The following LUC7L variants were observed in gnomAD, a reference collection of about 807,000 sequenced individuals.
LUC7L encodes putative RNA-binding protein Luc7-like 1.
Under a neutral mutation model 51.1 loss-of-function variants are expected in LUC7L, and 29 were observed. That is an observed-to-expected ratio of 0.57 (90% confidence interval 0.42 to 0.77). The LOEUF (loss-of-function observed/expected upper bound fraction) is 0.77. Ranked by LOEUF, LUC7L falls within the 30% of genes least tolerant of loss-of-function variation. The pLI is 0.00. For missense variants in LUC7L, 403 were observed against 511.9 expected (o/e 0.79, Z 2.05); for synonymous variants, 181 against 180.7 (o/e 1.00, Z -0.01).
chr16:213,140 T>A (rs2049692777), intron 3 of LUC7L, among the ~76,000 whole-genome samples: 1 of 152,204 alleles, frequency 6.6e-6, no homozygotes, highest in African/African-American at 2.4e-5. Context: ...CTTAGTTTAT[T>A]TATAGACTGC....
chr16:202,371 T>G (rs2049358917), intron 5 of LUC7L, among the ~76,000 whole-genome samples: 1 of 152,084 alleles, frequency 6.6e-6, no homozygotes, highest in South Asian at 2.1e-4. Flanking sequence ...CACCTCCCAC[T>G]AGACCCCACC....
At chr16:192,600 C>T (rs1315108920) in intron 7 of LUC7L, among the ~76,000 whole-genome samples, 1 of 149,660 alleles carries the variant, frequency 6.7e-6, no homozygotes, top group Non-Finnish European at 1.5e-5. Context: ...GCCTCCCGGG[C>T]TCAAGTGATT....
intron 5 of LUC7L, among the ~76,000 whole-genome samples, chr16:204,853 A>G (rs775699129): frequency 2.0e-5 from 3 of 152,204 alleles, no homozygotes; most frequent in African/African-American, 7.2e-5. Context: ...ATCCTATGGC[A>G]TTACTCAAAG....
chr16:205,274 C>G (rs146788825), intron 5 of LUC7L, among the ~76,000 whole-genome samples: 2 of 152,212 alleles, frequency 1.3e-5, no homozygotes, highest in East Asian at 3.9e-4. Flanking sequence ...CTCAGCCTCC[C>G]GAACAGCTGA....
At chr16:215,321 T>C (rs1447126483) in intron 3 of LUC7L, among the ~76,000 whole-genome samples, 1 of 151,586 alleles carries the variant, frequency 6.6e-6, no homozygotes, top group Non-Finnish European at 1.5e-5. Flanking sequence ...CCCTGCCTAC[T>C]GAAAATACAA....
chr16:227,272 G>A lies in LUC7L; in HGVS notation c.126C>T (p.Asp42=). 1 of 1,613,150 alleles carries A rather than the reference G, an allele frequency of 6.2e-7. No homozygotes were observed. Among genetic ancestry groups the A allele is most frequent in the East Asian group, 2.2e-5 (1 of 44,892 alleles). ...CAGCCAGGATGTCATGGGGGCAGCAGTCCAGAAGGTGACTCTTGCAGACAC... is the reference window on the plus strand; with the variant it reads ...CAGCCAGGATGTCATGGGGGCAGCAATCCAGAAGGTGACTCTTGCAGACAC... ...DDRVCKSHLL[D]CCPHDILAGT... The change falls in exon 2 of 10, where the codon GAC becomes GAT. Residue 42 remains aspartate (D), a synonymous_variant. Coordinates refer to ENST00000293872, the MANE Select transcript of LUC7L (RefSeq NM_201412.3).
chr16:205,171 G>A (rs1041039705), intron 5 of LUC7L, among the ~76,000 whole-genome samples: 1 of 152,160 alleles, frequency 6.6e-6, no homozygotes, highest in Non-Finnish European at 1.5e-5. Flanking sequence ...GTCTGTAAGC[G>A]TTTGCATGTA....
chr16:208,159 A>T lies in LUC7L; in HGVS notation c.285T>A (p.Ala95=). ...CGAGCTCAGTTCTCCGATCACATTC[A>T]GCAATAAAGGACTCCAAGTGATCCA... ...DAMDHLESFI[A]ECDRRTELAK... The change falls in exon 4 of 10, where the codon GCT becomes GCA. Residue 95 remains alanine (A), a synonymous_variant. Coordinates refer to ENST00000293872, the MANE Select transcript of LUC7L (RefSeq NM_201412.3). The T allele has an allele frequency of 6.2e-7, 1 of 1,613,660 alleles. No homozygotes were observed. Among genetic ancestry groups the T allele is most frequent in the Non-Finnish European group, 8.5e-7 (1 of 1,179,826 alleles).
chr16:192,413 G>A (rs1296716407), intron 7 of LUC7L, among the ~76,000 whole-genome samples: 1 of 151,900 alleles, frequency 6.6e-6, no homozygotes, highest in Non-Finnish European at 1.5e-5. Flanking sequence ...GCCTCCAACA[G>A]CTTGGATCCC....
intron 8 of LUC7L, 82 bp from the exon 9 acceptor site, chr16:190,217 G>T: frequency 8.1e-7 from 1 of 1,229,378 alleles, no homozygotes; most frequent in African/African-American, 1.5e-5. Context: ...GATTCTGCTT[G>T]CTGCTTTACT....
At chr16:204,061 C>A (rs928468239) in intron 5 of LUC7L, among the ~76,000 whole-genome samples, 1 of 151,994 alleles carries the variant, frequency 6.6e-6, no homozygotes, top group Non-Finnish European at 1.5e-5. Context: ...ACCAATTACA[C>A]CAGCACCCGC....
At chr16:229,198 CGCGGCCCCCGCCTCAGGCCGCCCG>C (rs765976342) in intron 1 of LUC7L, 57 bp downstream of exon 1, 3 of 1,500,222 alleles carry the variant, frequency 2.0e-6, no homozygotes, top group Admixed American at 2.2e-5. Flanking sequence ...CGCAGACGAT[CGCGGCCCCCGCCTCAGGCCGCCCG>C]GCGGCCTCGC....
intron 7 of LUC7L, chr16:190,861 C>G (rs975976234): frequency 5.9e-6 from 2 of 340,114 alleles, no homozygotes; most frequent in Non-Finnish European, 1.1e-5. Context: ...GCCTGGGCAA[C>G]AAGAATAAAA....
At position 199,164 on chromosome 16, in the gene LUC7L, G is replaced by C. The variant is rs373602174; in HGVS notation, c.585C>G (p.Ala195=). 2 of 1,612,950 alleles carry C rather than the reference G, an allele frequency of 1.2e-6. No individual in the cohort carries two copies. Among genetic ancestry groups the C allele is most frequent in the Non-Finnish European group, 1.7e-6 (2 of 1,179,112 alleles). The change falls in exon 6 of 10, where the codon GCC becomes GCG. Residue 195 remains alanine (A), a synonymous_variant. Coordinates refer to ENST00000293872, the MANE Select transcript of LUC7L (RefSeq NM_201412.3). ...GGTCATTGTCATGGAGACCAAGGTA[G>C]GCTGAACAGACCTCGCAGACACGCA... ...QKLRVCEVCS[A]YLGLHDNDRR...
chr16:213,027 A>C (rs1461798778), intron 3 of LUC7L, among the ~76,000 whole-genome samples: 1 of 152,070 alleles, frequency 6.6e-6, no homozygotes, highest in African/African-American at 2.4e-5. Flanking sequence ...GCCTCCCACC[A>C]AAGTACTGGG....
intron 3 of LUC7L, among the ~76,000 whole-genome samples, chr16:210,693 A>G (rs1567184160): frequency 6.6e-6 from 1 of 152,220 alleles, no homozygotes; most frequent in Non-Finnish European, 1.5e-5. Context: ...AAACCCATCA[A>G]AGCAATTACC....
chr16:229,021 G>A (rs1217218702), intron 1 of LUC7L: 41 of 1,451,668 alleles, frequency 2.8e-5, no homozygotes, highest in Non-Finnish European at 3.7e-5. Context: ...GGAAGTAGCA[G>A]GACGGTACAT....
At chr16:213,803 C>A (rs2049711408) in intron 3 of LUC7L, among the ~76,000 whole-genome samples, 1 of 152,206 alleles carries the variant, frequency 6.6e-6, no homozygotes, top group Admixed American at 6.5e-5. Flanking sequence ...CAATCTCTGC[C>A]TCCCAGGTTC....
intron 2 of LUC7L, among the ~76,000 whole-genome samples, chr16:222,531 G>C (rs2050001819): frequency 6.6e-6 from 1 of 152,040 alleles, no homozygotes; most frequent in Admixed American, 6.6e-5. Flanking sequence ...CCAGCCACTT[G>C]GGAGGCTGAG....
Sources: gnomAD v4.1 joint callset for allele counts (sites outside exome capture counted in the v4.1 genomes callset) on GRCh38, gnomAD v4.1.1 for gene constraint, MANE v1.5 for transcripts, NCBI Gene and HGNC (gene_info 2026-07-23, HGNC 2026-07-21) for gene names.